TENM3: variants seen among roughly 807,000 people sequenced by gnomAD.
The protein encoded by TENM3 is teneurin transmembrane protein 3.
In TENM3, 63 loss-of-function variants were observed where a neutral mutation model predicts 255.1. The ratio of observed to expected loss-of-function variants is 0.25; its 90% CI spans 0.20 to 0.30. The LOEUF (loss-of-function observed/expected upper bound fraction) is 0.30. TENM3 is among the 10% of genes least tolerant of loss of function. TENM3 has a pLI of 1.00. For missense variants in TENM3, 2,929 were observed against 3,461.1 expected (o/e 0.85, Z 3.86); for synonymous variants, 1,306 against 1,322.3 (o/e 0.99, Z 0.27).
chr4:182,215,100 G>C (rs77109408), intron 1 of TENM3, among the ~76,000 whole-genome samples: 2,320 of 152,266 alleles, frequency 0.015, 67 homozygotes, highest in African/African-American at 0.052. Flanking sequence ...TTGAAGAAAT[G>C]GTTCTGAGCT....
At chr4:181,979,107 TATATATATATATATATATA>T in the TENM3 span, among the ~76,000 whole-genome samples, 1 of 14,010 alleles carries the variant, frequency 7.1e-5, no homozygotes, top group African/African-American at 3.2e-4. Context: ...CATATATATA[TATATATATATATATATATA>T]TATATATATA....
At chr4:181,539,890 T>C in the TENM3 span, among the ~76,000 whole-genome samples, 1 of 152,212 alleles carries the variant, frequency 6.6e-6, no homozygotes, top group African/African-American at 2.4e-5. Flanking sequence ...TATTTACAAG[T>C]ACAACTATTT....
At chr4:182,100,017 C>T in the TENM3 span, among the ~76,000 whole-genome samples, 1 of 152,060 alleles carries the variant, frequency 6.6e-6, no homozygotes, top group Non-Finnish European at 1.5e-5. Context: ...AGTGTTTTGC[C>T]TTATCCCTTC....
At chr4:181,729,769 C>G in the TENM3 span, among the ~76,000 whole-genome samples, 1 of 152,098 alleles carries the variant, frequency 6.6e-6, no homozygotes, top group Non-Finnish European at 1.5e-5. Flanking sequence ...TTGTCTTTGT[C>G]GGAGCCAGCT....
chr4:181,927,163 C>T, the TENM3 span, among the ~76,000 whole-genome samples: 11 of 152,146 alleles, frequency 7.2e-5, no homozygotes, highest in African/African-American at 2.7e-4. Flanking sequence ...CGAGACGGAA[C>T]CGTTCACTTC....
chr4:182,712,007 AAAG>A (rs762643454), intron 12 of TENM3, among the ~76,000 whole-genome samples: 4 of 152,176 alleles, frequency 2.6e-5, no homozygotes, highest in Admixed American at 2.0e-4. Flanking sequence ...TTGTCAATCT[AAAG>A]AAGATCCTGG....
chr4:182,389,337 G>C (rs28520595), intron 3 of TENM3, among the ~76,000 whole-genome samples: 4,771 of 149,650 alleles, frequency 0.032, 252 homozygotes, highest in African/African-American at 0.11. Context: ...CCAGCCCTCT[G>C]TTGTAGCCAT....
At chr4:181,674,395 G>A in the TENM3 span, among the ~76,000 whole-genome samples, 1 of 149,968 alleles carries the variant, frequency 6.7e-6, no homozygotes, top group Admixed American at 6.7e-5. Flanking sequence ...AGTTTATTGG[G>A]GTGTTAGTAC....
chr4:182,375,162 G>A (rs1767091777), intron 3 of TENM3, among the ~76,000 whole-genome samples: 1 of 152,020 alleles, frequency 6.6e-6, no homozygotes, highest in Non-Finnish European at 1.5e-5. Context: ...TTTCCCAGAT[G>A]TTTACTCTCT....
At chr4:181,477,538 T>C in the TENM3 span, among the ~76,000 whole-genome samples, 7 of 152,174 alleles carry the variant, frequency 4.6e-5, no homozygotes, top group South Asian at 2.1e-4. Flanking sequence ...CCCACAACTC[T>C]TACATGTCTA....
At chr4:182,645,905 G>A (rs1752705542) in intron 5 of TENM3, among the ~76,000 whole-genome samples, 3 of 152,200 alleles carry the variant, frequency 2.0e-5, no homozygotes. Flanking sequence ...GGGAGTAGAT[G>A]ATACAAGGGC....
rs1320381400 is a variant in TENM3, at chr4:182,175,590, AG to A, written c.-76+30837del. 3.3e-5 allele frequency among the ~76,000 whole-genome samples: 5 copies of A among 152,300 alleles called. No homozygotes were observed. In the East Asian group the frequency reaches 7.7e-4, roughly 23 times the overall value. The stretch of plus-strand genomic sequence containing the variant: ...TTTCCCCTGCCAAGGAGATACCGAC[AG>A]CACAGGACAGGTTTTGACTGTCTTA... On this transcript the variant is annotated intron_variant, in intron 1 of 2. Coordinates refer to the TENM3 transcript ENST00000512480.
At chr4:181,542,282 A>G in the TENM3 span, among the ~76,000 whole-genome samples, 1 of 152,170 alleles carries the variant, frequency 6.6e-6, no homozygotes, top group Admixed American at 6.5e-5. Context: ...TGATCTGGAG[A>G]GCAGCGAGCC....
At chr4:181,605,537 AGAAAG>A in the TENM3 span, among the ~76,000 whole-genome samples, 1 of 24,568 alleles carries the variant, frequency 4.1e-5, no homozygotes, top group African/African-American at 8.9e-5. Flanking sequence ...AAAGAAAGAA[AGAAAG>A]AAAGAAAGAA....
intron 3 of TENM3, among the ~76,000 whole-genome samples, chr4:182,417,109 G>T (rs1770430529): frequency 6.6e-6 from 1 of 152,040 alleles, no homozygotes; most frequent in African/African-American, 2.4e-5. Flanking sequence ...GAGTAGCTGG[G>T]ATTACAGGCG....
chr4:182,589,157 T>C (rs1746345071), intron 3 of TENM3, among the ~76,000 whole-genome samples: 1 of 152,208 alleles, frequency 6.6e-6, no homozygotes, highest in Non-Finnish European at 1.5e-5. Flanking sequence ...GAAAGCTCTA[T>C]TCTTGCCTTC....
chr4:181,906,175 T>G, the TENM3 span: 4 of 255,984 alleles, frequency 1.6e-5, no homozygotes, highest in African/African-American at 9.3e-5. Flanking sequence ...GTGATTCTAT[T>G]AAGAAGTTCA....
Position 182,799,952 on chromosome 4 carries a change from C to A in TENM3, c.7701C>A (p.Gly2567=). ...SDLGTLRLTS[G]RKALENGINV... ...TGGGCACGCTGCGGTTGACCAGCGG[C>A]CGCAAGGCGCTGGAGAACGGCATCA... Residue 2567 remains glycine, a synonymous_variant, in exon 28 of 28, where the codon GGC becomes GGA. Coordinates refer to ENST00000511685, the MANE Select transcript of TENM3 (RefSeq NM_001080477.4). This position sits in a 1 kb window ranked among gnomAD's most constrained non-coding sequence, Gnocchi z 4.2. The A allele has an allele frequency of 6.3e-7, 1 of 1,592,802 alleles. No homozygotes were observed. The highest frequency in any genetic ancestry group is 1.1e-5 in the South Asian group (1 of 87,826).
the TENM3 span, among the ~76,000 whole-genome samples, chr4:182,100,689 A>G: frequency 1.4e-5 from 1 of 72,380 alleles, no homozygotes; most frequent in Non-Finnish European, 2.7e-5. Context: ...ACACACATAT[A>G]TATACACACA....
Sources: allele counts gnomAD v4.1 joint callset (sites outside exome capture counted in the v4.1 genomes callset), GRCh38; gene constraint gnomAD v4.1.1; non-coding constraint Gnocchi (gnomAD v3.1); transcripts MANE v1.5; gene names NCBI Gene and HGNC (gene_info 2026-07-23, HGNC 2026-07-21).